IDO2: variants seen among roughly 807,000 people sequenced by gnomAD.
IDO2 encodes indoleamine 2,3-dioxygenase 2, also known as indoleamine 2,3-dioxygenase-like 1 protein.
Under a neutral mutation model 45.1 loss-of-function variants are expected in IDO2, and 46 were observed. That is an observed-to-expected ratio of 1.02 (90% CI 0.80 to 1.30). The LOEUF is 1.30. IDO2 is among the 50% of genes most tolerant of loss of function. IDO2 has a pLI of 0.00. For missense variants in IDO2, 544 were observed against 491.8 expected (o/e 1.11, Z -1.00); for synonymous variants, 218 against 184.9 (o/e 1.18, Z -1.45).
At chr8:39,955,003 A>G (rs1373047656) in intron 2 of IDO2, among the ~76,000 whole-genome samples, 1 of 151,404 alleles carries the variant, frequency 6.6e-6, no homozygotes, top group Non-Finnish European at 1.5e-5. Context: ...TAGGGACACC[A>G]ATCAGATTAA....
rs568230588 is a variant in IDO2 at position 39,974,008 on chromosome 8, G to A, written c.196-5059G>A. ...ACCTGCCTTGGCCTCTCAAAGTGCT[G>A]GGATTACAGGTGTGAGCCACTGTGC... On this transcript the variant is annotated intron_variant, in intron 3 of 10. Coordinates refer to ENST00000502986, the Ensembl canonical transcript of IDO2. Among the ~76,000 whole-genome samples, 3 of 152,198 alleles carry A rather than the reference G, an allele frequency of 2.0e-5. No individual in the cohort carries two copies. In the East Asian group the frequency reaches 5.8e-4, roughly 29 times the overall value.
At chr8:39,935,068 A>G in exon 1 of IDO2, 1 of 872,190 alleles carries the variant, frequency 1.1e-6, no homozygotes, top group Non-Finnish European at 2.0e-6. Context: ...TATTTTAAAG[A>G]CAAGGATTGG....
Position 39,989,687 on chromosome 8 carries a change from G to A in IDO2, c.550-34G>A, listed in dbSNP as rs117590381. The A allele has an allele frequency of 2.2e-3, 3,172 of 1,412,782 alleles. 17 individuals are homozygous for A. The highest frequency in any genetic ancestry group is 0.014 in the East Asian group (567 of 40,590). The allele number at this position is 1,412,782 out of a possible 1,614,324, so 87.5% of individuals were successfully genotyped here. A position where few individuals can be genotyped will look rare whatever the true frequency, so the allele number is the denominator to read the frequency against. On this transcript the variant is annotated intron_variant, in intron 7 of 10. Transcript: ENST00000502986. ...CTGCCTGCATGGACTTTAAGGGAGT[G>A]CTAATAAGTTGTGTACATGCATCTC...
Position 39,974,531 on chromosome 8 carries a change from C to T in IDO2, c.196-4536C>T, listed in dbSNP as rs1808229954. On this transcript the variant is annotated intron_variant, in intron 3 of 10. Coordinates refer to ENST00000502986, the Ensembl canonical transcript of IDO2. ...GGCACGGTGGCTCACGCCTGTAATC[C>T]CAGCACTTTGGGAGGCCGAGGTGGG... Among the ~76,000 whole-genome samples, 2 of 152,240 alleles carry T rather than the reference C, an allele frequency of 1.3e-5. 1 individual carries two copies. Among genetic ancestry groups the T allele is most frequent in the South Asian group, 4.2e-4 (2 of 4,818 alleles).
chr8:40,005,505 T>C lies in IDO2; in HGVS notation c.719+127T>C, dbSNP rs1284902057. 5 of 497,598 alleles carry C rather than the reference T, an allele frequency of 1.0e-5. No individual in the cohort carries two copies. In the East Asian group the frequency reaches 1.2e-4, roughly 12 times the overall value. The allele number at this position is 497,598 out of a possible 1,614,324, so 30.8% of individuals were successfully genotyped here. On this transcript the variant is annotated intron_variant, in intron 9 of 10. Transcript: ENST00000502986. ...CAAGTGACTCTTGCTAGGGATCCAC[T>C]CTCAGGTAAAAGAAGTGGGATACCA...
chr8:39,955,251 C>CT (rs34726763), intron 2 of IDO2, among the ~76,000 whole-genome samples: 995 of 97,002 alleles, frequency 0.01, 24 homozygotes, highest in African/African-American at 0.032. Context: ...TAATATTTGC[C>CT]TTTTTTTTTT....
At chr8:39,944,161 A>T (rs1807697191) in intron 1 of IDO2, among the ~76,000 whole-genome samples, 2 of 152,216 alleles carry the variant, frequency 1.3e-5, no homozygotes, top group South Asian at 4.1e-4. Context: ...AAGCATTCAA[A>T]TACATTTGTG....
intron 4 of IDO2, among the ~76,000 whole-genome samples, chr8:39,982,288 C>A (rs1482068892): frequency 6.6e-6 from 1 of 150,986 alleles, no homozygotes; most frequent in African/African-American, 2.4e-5. Context: ...ATCTACTTAC[C>A]TATCTATCAA....
intron 3 of IDO2, among the ~76,000 whole-genome samples, chr8:39,977,183 G>A (rs1049968582): frequency 5.9e-5 from 9 of 152,114 alleles, no homozygotes; most frequent in African/African-American, 1.4e-4. Context: ...GATTGATGGG[G>A]AAAGATGGGC....
chr8:39,988,747 A>G (rs1049955432), intron 7 of IDO2, among the ~76,000 whole-genome samples: 1 of 152,114 alleles, frequency 6.6e-6, no homozygotes, highest in Non-Finnish European at 1.5e-5. Flanking sequence ...GCATATGTTG[A>G]GCACCTACTG....
intron 3 of IDO2, among the ~76,000 whole-genome samples, chr8:39,976,520 G>A (rs992607284): frequency 6.6e-6 from 1 of 152,126 alleles, no homozygotes; most frequent in African/African-American, 2.4e-5. Flanking sequence ...TATTACATGT[G>A]TTTATATTCA....
At chr8:39,964,864 T>C (rs1808061973) in intron 3 of IDO2, among the ~76,000 whole-genome samples, 1 of 152,134 alleles carries the variant, frequency 6.6e-6, no homozygotes, top group African/African-American at 2.4e-5. Context: ...ATGTATAAAA[T>C]CCAGAAATAA....
At chr8:40,013,842 A>G in intron 10 of IDO2, 129 bp downstream of exon 10, 2 of 673,718 alleles carry the variant, frequency 3.0e-6, no homozygotes, top group Non-Finnish European at 4.7e-6. Context: ...TAAGTCAGCC[A>G]AGAAACTGCA....
intron 1 of IDO2, among the ~76,000 whole-genome samples, chr8:39,944,322 T>C (rs1230703864): frequency 3.3e-5 from 5 of 152,158 alleles, no homozygotes; most frequent in Admixed American, 2.0e-4. Context: ...AGGACTTTCC[T>C]GCTGTTAACT....
chr8:39,972,907 A>G (rs557469518), intron 3 of IDO2, among the ~76,000 whole-genome samples: 4 of 152,314 alleles, frequency 2.6e-5, no homozygotes, highest in Admixed American at 2.6e-4. Context: ...AGTACTTTAT[A>G]ATGTACATTG....
chr8:39,971,233 C>A (rs60895952), intron 3 of IDO2, among the ~76,000 whole-genome samples: 16,879 of 152,130 alleles, frequency 0.11, 1,155 homozygotes, highest in East Asian at 0.28. Flanking sequence ...TGCCTGTGCT[C>A]TGTAAACGGA....
chr8:39,984,901 A>C (rs1403634374), intron 5 of IDO2: 4 of 437,058 alleles, frequency 9.2e-6, no homozygotes, highest in Non-Finnish European at 1.8e-5. Context: ...GGTAAATACA[A>C]AAATGTAAGA....
At chr8:40,004,527 A>ATAGATAGG (rs972087119) in intron 8 of IDO2, among the ~76,000 whole-genome samples, 1 of 141,468 alleles carries the variant, frequency 7.1e-6, no homozygotes, top group African/African-American at 2.6e-5. Flanking sequence ...CAGACAGATG[A>ATAGATAGG]TAGATAGATA....
chr8:39,992,493 T>C (rs2543072), intron 8 of IDO2, among the ~76,000 whole-genome samples: 124,827 of 152,030 alleles, frequency 0.82, 51,636 homozygotes, highest in East Asian at 0.92. Flanking sequence ...GCCATCTTGT[T>C]CTGCCCAGAT....
Sources: gnomAD v4.1 joint callset for allele counts (sites outside exome capture counted in the v4.1 genomes callset) on GRCh38, gnomAD v4.1.1 for gene constraint, MANE v1.5 for transcripts, NCBI Gene and HGNC (gene_info 2026-07-23, HGNC 2026-07-21) for gene names.